The following RIMS2 variants were observed in gnomAD, a reference collection of about 807,000 sequenced individuals.
The protein encoded by RIMS2 is regulating synaptic membrane exocytosis protein 2.
In RIMS2, 59 loss-of-function variants were observed where a neutral mutation model predicts 174.4. The ratio of observed to expected loss-of-function variants is 0.34; its 90% CI spans 0.27 to 0.42. RIMS2 has a LOEUF of 0.42. Ranked by LOEUF, RIMS2 falls within the 10% of genes least tolerant of loss-of-function variation. The pLI, the probability that RIMS2 is intolerant of heterozygous loss-of-function variation, is 1.00. For missense variants in RIMS2, 1,620 were observed against 1,666.3 expected, an observed-to-expected ratio of 0.97 and a Z score of 0.48; for synonymous variants, 606 against 572.5, an observed-to-expected ratio of 1.06 and a Z score of -0.84.
chr8:104,084,417 G>A (rs1043885035), intron 19 of RIMS2, among the ~76,000 whole-genome samples: 22 of 124,304 alleles, frequency 1.8e-4, no homozygotes, highest in African/African-American at 7.2e-4. Flanking sequence ...CAGCCTGGGC[G>A]ACTGAGCAAG....
At chr8:104,205,787 G>T (rs550806982) in intron 19 of RIMS2, among the ~76,000 whole-genome samples, 4 of 148,924 alleles carry the variant, frequency 2.7e-5, no homozygotes, top group Non-Finnish European at 4.4e-5. Context: ...ATGAAGTCTC[G>T]CTGTGTCACC....
At chr8:104,065,535 A>G (rs1225376751) in intron 19 of RIMS2, among the ~76,000 whole-genome samples, 1 of 152,106 alleles carries the variant, frequency 6.6e-6, no homozygotes, top group Non-Finnish European at 1.5e-5. Context: ...CTCTAAGGTT[A>G]TTATTCTACA....
chr8:103,798,510 A>G (rs906256421), intron 3 of RIMS2, among the ~76,000 whole-genome samples: 5 of 152,130 alleles, frequency 3.3e-5, no homozygotes, highest in African/African-American at 1.2e-4. Flanking sequence ...TTTGGTCCTC[A>G]GATACAGTGA....
intron 3 of RIMS2, among the ~76,000 whole-genome samples, chr8:103,856,508 C>T (rs1439443645): frequency 6.6e-6 from 1 of 152,214 alleles, no homozygotes; most frequent in African/African-American, 2.4e-5. Flanking sequence ...TTGTCTGCTA[C>T]ACTAAATTGA....
At chr8:104,113,835 A>C (rs2098236503) in intron 19 of RIMS2, among the ~76,000 whole-genome samples, 1 of 151,906 alleles carries the variant, frequency 6.6e-6, no homozygotes, top group African/African-American at 2.4e-5. Flanking sequence ...TCCCCCTATC[A>C]AATTTTGCTG....
chr8:104,104,923 A>C (rs756024018), intron 19 of RIMS2, among the ~76,000 whole-genome samples: 2 of 151,930 alleles, frequency 1.3e-5, no homozygotes, highest in Non-Finnish European at 2.9e-5. Flanking sequence ...GAAATGTAAG[A>C]TTTTATGTAG....
At chr8:103,703,293 A>G (rs1167585346) in intron 2 of RIMS2, among the ~76,000 whole-genome samples, 1 of 152,096 alleles carries the variant, frequency 6.6e-6, no homozygotes, top group Non-Finnish European at 1.5e-5. Flanking sequence ...GCTGGAGTGC[A>G]GTGGCACAAT....
intron 3 of RIMS2, among the ~76,000 whole-genome samples, chr8:103,789,315 A>T (rs79056255): frequency 0.012 from 1,767 of 152,128 alleles, 33 homozygotes; most frequent in African/African-American, 0.039. Flanking sequence ...GTTTTTTCAA[A>T]GCCAGTAGAG....
intron 19 of RIMS2, among the ~76,000 whole-genome samples, chr8:104,095,443 G>A (rs554210266): frequency 1.5e-4 from 23 of 152,180 alleles, no homozygotes; most frequent in African/African-American, 4.8e-4. Flanking sequence ...TTCTGGAGAG[G>A]GAACTTTGAA....
intron 4 of RIMS2, among the ~76,000 whole-genome samples, chr8:103,902,903 A>G (rs545274814): frequency 1.3e-5 from 2 of 152,128 alleles, no homozygotes; most frequent in Non-Finnish European, 2.9e-5. Flanking sequence ...CTTTTAAATT[A>G]CTCAGTGCCC....
At chr8:103,827,735 TGAGGCAGGA>T (rs1236355428) in intron 3 of RIMS2, among the ~76,000 whole-genome samples, 1 of 152,044 alleles carries the variant, frequency 6.6e-6, no homozygotes, top group Non-Finnish European at 1.5e-5. Context: ...CTCAAGAGGT[TGAGGCAGGA>T]GAATCGCTTG....
intron 19 of RIMS2, among the ~76,000 whole-genome samples, chr8:104,142,104 C>G (rs1430851965): frequency 6.7e-6 from 1 of 148,752 alleles, no homozygotes; most frequent in Non-Finnish European, 1.5e-5. Flanking sequence ...TTGTTTATTT[C>G]AAAGTAAATA....
At chr8:103,673,622 T>C (rs1489883893) in intron 1 of RIMS2, among the ~76,000 whole-genome samples, 2 of 152,170 alleles carry the variant, frequency 1.3e-5, no homozygotes, top group Non-Finnish European at 2.9e-5. Context: ...AGGTGCCATG[T>C]CTTGAGGTGG....
intron 2 of RIMS2, among the ~76,000 whole-genome samples, chr8:103,763,166 G>T (rs549495726): frequency 6.6e-6 from 1 of 152,226 alleles, no homozygotes; most frequent in Non-Finnish European, 1.5e-5. Context: ...TAGGAGGCAT[G>T]GTGGCTCACA....
At chr8:104,025,996 C>T (rs1482785635) in intron 19 of RIMS2, among the ~76,000 whole-genome samples, 4 of 152,046 alleles carry the variant, frequency 2.6e-5, no homozygotes, top group Non-Finnish European at 5.9e-5. Context: ...TGAGTACACT[C>T]TGTAATCTTT....
At chr8:103,858,763 A>C (rs1378183694) in intron 3 of RIMS2, among the ~76,000 whole-genome samples, 1 of 150,740 alleles carries the variant, frequency 6.6e-6, no homozygotes, top group East Asian at 1.9e-4. Context: ...ACACACATAT[A>C]TGGGATTATA....
intron 3 of RIMS2, among the ~76,000 whole-genome samples, chr8:103,849,761 A>C (rs567334382): frequency 6.6e-6 from 1 of 152,152 alleles, no homozygotes; most frequent in East Asian, 1.9e-4. Context: ...TAAGACTGGT[A>C]AAGGGTATCT....
At chr8:103,712,416 G>C (rs369259221) in intron 2 of RIMS2, among the ~76,000 whole-genome samples, 9 of 152,116 alleles carry the variant, frequency 5.9e-5, no homozygotes, top group African/African-American at 2.2e-4. Flanking sequence ...TATGGCAAAG[G>C]CAAGGTATGC....
intron 19 of RIMS2, among the ~76,000 whole-genome samples, chr8:104,079,495 A>G (rs2097365288): frequency 6.6e-6 from 1 of 151,102 alleles, no homozygotes; most frequent in Non-Finnish European, 1.5e-5. Context: ...GTCTCGCTTT[A>G]TAAAATCAGG....
Sources: gnomAD v4.1 joint callset for allele counts (sites outside exome capture counted in the v4.1 genomes callset) on GRCh38, gnomAD v4.1.1 for gene constraint, MANE v1.5 for transcripts, NCBI Gene and HGNC (gene_info 2026-07-23, HGNC 2026-07-21) for gene names.